CNTN5: variants seen among roughly 807,000 people sequenced by gnomAD.
CNTN5 encodes the protein contactin 5, also known as contactin-5.
CNTN5 carries 77 observed loss-of-function variants against 129.1 expected under a neutral mutation model. The observed-to-expected ratio is 0.60, with a 90% CI of 0.50 to 0.72. The LOEUF (loss-of-function observed/expected upper bound fraction) is 0.72, where lower values mean the gene tolerates loss of function less well. Ranked by LOEUF, CNTN5 falls within the 30% of genes least tolerant of loss-of-function variation. The probability of loss-of-function intolerance (pLI) is 0.00; values close to 1 mark genes in which losing one functional copy is unlikely to be tolerated. For synonymous variants in CNTN5, 509 were observed against 465.6 expected (o/e 1.09, Z -1.20); for missense variants, 1,478 against 1,328.8 (o/e 1.11, Z -1.75).
At chr11:100,233,933 C>T (rs1949547784) in intron 16 of CNTN5, among the ~76,000 whole-genome samples, 2 of 152,078 alleles carry the variant, frequency 1.3e-5, no homozygotes, top group Middle Eastern at 3.4e-3. Context: ...CCAGAATCTA[C>T]AAGAAACTTA....
chr11:99,582,040 A>G (rs6590221), intron 3 of CNTN5, among the ~76,000 whole-genome samples: 147,688 of 151,886 alleles, frequency 0.97, 71,938 homozygotes, highest in East Asian at 1. Context: ...AAATCTCTCA[A>G]CATTTGCTTG....
At chr11:99,379,286 T>A (rs1038632602) in intron 2 of CNTN5, among the ~76,000 whole-genome samples, 1 of 151,136 alleles carries the variant, frequency 6.6e-6, no homozygotes, top group African/African-American at 2.4e-5. Flanking sequence ...CGAATAACTA[T>A]GATGAAGTTG....
rs530926835 is a variant in CNTN5 at position 99,845,293 on chromosome 11, A to G, written c.577+31A>G. ...TAAAATATATGATTTTTCTATATAT[A>G]TGTATATAGTGTGTATATACAGTAT... On this transcript the variant is annotated intron_variant, in intron 6 of 24. Transcript: ENST00000524871. 9 of 1,393,032 alleles carry G rather than the reference A, an allele frequency of 6.5e-6. No homozygotes were observed. The South Asian group carries it at 1.1e-4, about 17-fold the overall frequency. The allele number at this position is 1,393,032 out of a possible 1,614,324, so 86.3% of individuals were successfully genotyped here.
At chr11:99,707,158 G>A (rs917540271) in intron 3 of CNTN5, among the ~76,000 whole-genome samples, 2 of 151,418 alleles carry the variant, frequency 1.3e-5, no homozygotes, top group Admixed American at 6.6e-5. Context: ...TGTGCATTCA[G>A]AATCAGTTTA....
intron 3 of CNTN5, among the ~76,000 whole-genome samples, chr11:99,814,714 G>C (rs79073919): frequency 0.067 from 10,231 of 152,162 alleles, 497 homozygotes; most frequent in Non-Finnish European, 0.092. Flanking sequence ...GAGTGAAAGA[G>C]TGTTAGGATC....
intron 3 of CNTN5, among the ~76,000 whole-genome samples, chr11:99,754,232 T>G (rs923039904): frequency 1.3e-5 from 2 of 152,176 alleles, no homozygotes; most frequent in Admixed American, 1.3e-4. Flanking sequence ...TGTGGTAAGA[T>G]GAGAGTAAAG....
At chr11:99,746,784 A>G (rs879341873) in intron 3 of CNTN5, among the ~76,000 whole-genome samples, 1 of 152,204 alleles carries the variant, frequency 6.6e-6, no homozygotes, top group Non-Finnish European at 1.5e-5. Context: ...GCTGGTCTAC[A>G]TGACTGTTTC....
chr11:99,505,518 G>A (rs1946586572), intron 2 of CNTN5, among the ~76,000 whole-genome samples: 1 of 152,098 alleles, frequency 6.6e-6, no homozygotes, highest in Admixed American at 6.6e-5. Context: ...GATTCACTCT[G>A]GTCATTTAGA....
intron 16 of CNTN5, among the ~76,000 whole-genome samples, chr11:100,247,267 GATA>G: frequency 6.6e-6 from 1 of 152,294 alleles, no homozygotes; most frequent in East Asian, 1.9e-4. Flanking sequence ...CAGAAGGATA[GATA>G]ATGATGATGG....
intron 14 of CNTN5, among the ~76,000 whole-genome samples, 195 bp downstream of exon 14, chr11:100,191,448 C>G (rs1415661708): frequency 6.6e-6 from 1 of 152,104 alleles, no homozygotes; most frequent in Admixed American, 6.6e-5. Context: ...AATGAAGGAA[C>G]CTCTTATTGG....
intron 13 of CNTN5, among the ~76,000 whole-genome samples, chr11:100,118,695 G>T (rs1945918468): frequency 6.6e-6 from 1 of 151,682 alleles, no homozygotes; most frequent in Admixed American, 6.6e-5. Flanking sequence ...ACTAAATAAA[G>T]GTTGACAAAA....
chr11:99,985,083 T>C (rs1055133375), intron 8 of CNTN5, among the ~76,000 whole-genome samples: 1 of 152,110 alleles, frequency 6.6e-6, no homozygotes, highest in East Asian at 1.9e-4. Context: ...CCACTACCCA[T>C]AGAGTGCAGT....
chr11:100,030,398 C>G (rs1202534006), intron 9 of CNTN5, among the ~76,000 whole-genome samples: 2 of 152,136 alleles, frequency 1.3e-5, no homozygotes, highest in Non-Finnish European at 2.9e-5. Flanking sequence ...AATGCAGTGA[C>G]TGTAGTAGAC....
intron 2 of CNTN5, among the ~76,000 whole-genome samples, chr11:99,499,558 A>C (rs990386060): frequency 6.6e-6 from 1 of 152,110 alleles, no homozygotes; most frequent in African/African-American, 2.4e-5. Context: ...TTCTTTATAA[A>C]TTACCCAGTC....
chr11:99,559,309 A>G (rs974300381), intron 3 of CNTN5, among the ~76,000 whole-genome samples: 5 of 152,032 alleles, frequency 3.3e-5, no homozygotes, highest in Non-Finnish European at 7.4e-5. Context: ...TGTATTCCAT[A>G]TTTCCTTTAT....
At position 100,094,765 on chromosome 11, in the gene CNTN5, AAAGGAAGGAAGGAAGGAAGGAAGG is replaced by A. The variant is rs57565481; in HGVS notation, c.1580+20502_1580+20525del. On this transcript the variant is annotated intron_variant, in intron 13 of 24. Transcript: ENST00000524871. Reference sequence around the variant, plus strand: ...AAGAAGAAGGAGGGAGGGAGGGAGGAAAGGAAGGAAGGAAGGAAGGAAGGAAGGAAGGAAGGAAGGAAGGAAGGA... The same window carrying A: ...AAGAAGAAGGAGGGAGGGAGGGAGGAAAGGAAGGAAGGAAGGAAGGAAGGA... 0.01 allele frequency among the ~76,000 whole-genome samples: 1,144 copies of A among 113,936 alleles called. 39 individuals carry two copies. The East Asian group carries it at 0.12, about 12-fold the overall frequency. The allele number at this position is 113,936 out of a possible 152,430, so 74.7% of individuals were successfully genotyped here. A position where few individuals can be genotyped will look rare whatever the true frequency, so the allele number is the denominator to read the frequency against.
intron 7 of CNTN5, among the ~76,000 whole-genome samples, chr11:99,933,802 T>G (rs1950243462): frequency 6.6e-6 from 1 of 152,226 alleles, no homozygotes; most frequent in African/African-American, 2.4e-5. Context: ...GTTTATCCAT[T>G]TATCAGTTGA....
At chr11:99,118,601 G>GA (rs926687965) in intron 1 of CNTN5, among the ~76,000 whole-genome samples, 2 of 151,796 alleles carry the variant, frequency 1.3e-5, no homozygotes, top group Admixed American at 6.6e-5. Context: ...TAATTTTATT[G>GA]AAAAAAATGT....
At chr11:99,178,292 G>T (rs1353692011) in intron 1 of CNTN5, among the ~76,000 whole-genome samples, 3 of 148,340 alleles carry the variant, frequency 2.0e-5, no homozygotes, top group Non-Finnish European at 4.4e-5. Context: ...ACCAGTCTCA[G>T]TAACAGAGTG....
Sources: allele counts gnomAD v4.1 joint callset (sites outside exome capture counted in the v4.1 genomes callset), GRCh38; gene constraint gnomAD v4.1.1; transcripts MANE v1.5; gene names NCBI Gene and HGNC (gene_info 2026-07-23, HGNC 2026-07-21).